The following PCDHGA10 variants were observed in gnomAD, a reference collection of about 807,000 sequenced individuals.
The protein encoded by PCDHGA10 is protocadherin gamma-A10.
A neutral mutation model predicts 59.5 loss-of-function variants in PCDHGA10; 42 were observed. The observed-to-expected ratio is 0.71, with a 90% CI of 0.55 to 0.91. The LOEUF is 0.91. Ranked by LOEUF, PCDHGA10 falls within the 40% of genes least tolerant of loss-of-function variation. The pLI is 0.00. For missense variants in PCDHGA10, 1,111 were observed against 1,198.2 expected (o/e 0.93, Z 1.07); for synonymous variants, 511 against 517.2 (o/e 0.99, Z 0.16).
chr5:141,445,890 T>C (rs1435563284), intron 1 of PCDHGA10, among the ~76,000 whole-genome samples: 1 of 152,210 alleles, frequency 6.6e-6, no homozygotes, highest in Non-Finnish European at 1.5e-5. Context: ...ACTTAGGAGC[T>C]ATTAAAATAT....
In PCDHGA10 at chr5:141,493,482, G is replaced by T. The variant is rs184736387; in HGVS notation, c.2437-1325G>T. The stretch of plus-strand genomic sequence containing the variant: ...TTTTAGGACCTTACATGTGGGGAAA[G>T]TCTTCTGTGGCTCCTCATTTCTGAG... On this transcript the variant is annotated intron_variant, in intron 1 of 3. Coordinates refer to ENST00000398610, the MANE Select transcript of PCDHGA10 (RefSeq NM_018913.3). The surrounding 1 kb of genome is among the most constrained non-coding windows in gnomAD (Gnocchi z 4.3). 6.6e-6 allele frequency among the ~76,000 whole-genome samples: 1 copy of T among 152,206 alleles called. No individual in the cohort carries two copies. Among genetic ancestry groups the T allele is most frequent in the Admixed American group, 6.5e-5 (1 of 15,282 alleles).
intron 1 of PCDHGA10, chr5:141,423,106 G>A (rs562864937): frequency 1.2e-6 from 2 of 1,613,894 alleles, no homozygotes; most frequent in Admixed American, 1.7e-5. Context: ...CACGGGCGAG[G>A]TGCGTACAGC....
At position 141,511,393 on chromosome 5, in the gene PCDHGA10, C is replaced by G. The variant is rs1257680621; in HGVS notation, c.*220C>G. The G allele has an allele frequency of 2.8e-6, 3 of 1,067,816 alleles. No individual in the cohort carries two copies. The highest frequency in any genetic ancestry group is 3.9e-6 in the Non-Finnish European group (3 of 764,518). The allele number at this position is 1,067,816 out of a possible 1,614,324, so 66.1% of individuals were successfully genotyped here. A position where few individuals can be genotyped will look rare whatever the true frequency, so the allele number is the denominator to read the frequency against. On this transcript the variant is annotated 3_prime_UTR_variant, in exon 4 of 4. Coordinates refer to ENST00000398610, the MANE Select transcript of PCDHGA10 (RefSeq NM_018913.3). ...CAAAAGCAGTTCCGCTGGGAACCCC[C>G]ATCCAATCAACTGCTGTACCCATGG...
At chr5:141,447,370 C>A (rs2098536615) in intron 1 of PCDHGA10, among the ~76,000 whole-genome samples, 1 of 151,612 alleles carries the variant, frequency 6.6e-6, no homozygotes, top group African/African-American at 2.4e-5. Context: ...AACTCCTGAC[C>A]CTGGTGATCT....
At position 141,414,585 on chromosome 5, in the gene PCDHGA10, C is replaced by CA; in HGVS notation, c.1411dup (p.Arg471LysfsTer27). 1 of 1,613,968 alleles carries CA rather than the reference C, an allele frequency of 6.2e-7. No individual in the cohort carries two copies. Among genetic ancestry groups the CA allele is most frequent in the East Asian group, 2.2e-5 (1 of 44,870 alleles). On this transcript the variant is annotated frameshift_variant, in exon 1 of 4. Coordinates refer to ENST00000398610, the MANE Select transcript of PCDHGA10 (RefSeq NM_018913.3). LOFTEE classifies it high-confidence loss of function. ...TTACCTATATCCCAGAGAACAACGC[C>CA]AGGGGTGCCTCCATCTTCTCAGTGA...
rs2154591305 is a variant in PCDHGA10, at chr5:141,493,879, G to A, written c.2437-928G>A. Among the ~76,000 whole-genome samples the A allele has an allele frequency of 6.6e-6, 1 of 152,288 alleles. No homozygotes were observed. The highest frequency in any genetic ancestry group is 6.5e-5 in the Admixed American group (1 of 15,302). ...CCCACCCCAGAACCAGTGAGGAGGT[G>A]GCTCTAGGAGTGCTCCATGAGAGTG... On this transcript the variant is annotated intron_variant, in intron 1 of 3. Coordinates refer to ENST00000398610, the MANE Select transcript of PCDHGA10 (RefSeq NM_018913.3). This position sits in a 1 kb window ranked among gnomAD's most constrained non-coding sequence, Gnocchi z 4.3.
Position 141,431,003 on chromosome 5 carries a change from G to C in PCDHGA10, c.2436+15392G>C. The C allele has an allele frequency of 6.2e-7, 1 of 1,614,078 alleles. No individual in the cohort carries two copies. The highest frequency in any genetic ancestry group is 8.5e-7 in the Non-Finnish European group (1 of 1,179,974). On this transcript the variant is annotated intron_variant, in intron 1 of 3. Transcript: ENST00000398610. The surrounding 1 kb of genome is among the most constrained non-coding windows in gnomAD (Gnocchi z 4.8). ...GCTTTTCGCCCTGAATCCGCGCAGC[G>C]GCAGCTTGGTCACGGCGGGCAGGAT... is the stretch of plus-strand genomic sequence containing the variant.
rs2097542578 is a variant in PCDHGA10 at position 141,432,849 on chromosome 5, T to C, written c.2436+17238T>C. On this transcript the variant is annotated intron_variant, in intron 1 of 3. Coordinates refer to ENST00000398610, the MANE Select transcript of PCDHGA10 (RefSeq NM_018913.3). The surrounding 1 kb of genome is among the most constrained non-coding windows in gnomAD (Gnocchi z 6.0). ...CTCACTCTGTACCTGGTGGTAGCGG[T>C]GGCCGCGGTCTCCTGCGTCTTCCTG... 2 of 1,614,076 alleles carry C rather than the reference T, an allele frequency of 1.2e-6. No individual in the cohort carries two copies. Among genetic ancestry groups the C allele is most frequent in the South Asian group, 1.1e-5 (1 of 91,096 alleles).
chr5:141,432,918 A>C lies in PCDHGA10; in HGVS notation c.2436+17307A>C. ...CTGGCGCTCAGGCTGCGGCGCTGGC[A>C]CAAGTCACGCCTGCTGCAGGCTTCA... On this transcript the variant is annotated intron_variant, in intron 1 of 3. Coordinates refer to ENST00000398610, the MANE Select transcript of PCDHGA10 (RefSeq NM_018913.3). This position sits in a 1 kb window ranked among gnomAD's most constrained non-coding sequence, Gnocchi z 6.0. 1 of 1,614,128 alleles carries C rather than the reference A, an allele frequency of 6.2e-7. No homozygotes were observed. Among genetic ancestry groups the C allele is most frequent in the South Asian group, 1.1e-5 (1 of 91,082 alleles).
At chr5:141,428,606 A>G (rs1270096118) in intron 1 of PCDHGA10, 4 of 216,044 alleles carry the variant, frequency 1.9e-5, no homozygotes, top group Admixed American at 1.6e-4. Context: ...TTCACTGAAG[A>G]GAATAACAAG....
chr5:141,425,242 G>A (rs2096863400), intron 1 of PCDHGA10, among the ~76,000 whole-genome samples: 1 of 152,128 alleles, frequency 6.6e-6, no homozygotes, highest in South Asian at 2.1e-4. Context: ...TAAATAAAAA[G>A]GATATGAGGT....
intron 3 of PCDHGA10, among the ~76,000 whole-genome samples, chr5:141,506,948 G>A (rs949082646): frequency 6.6e-6 from 1 of 152,162 alleles, no homozygotes; most frequent in Non-Finnish European, 1.5e-5. Flanking sequence ...TCCTGTCAAT[G>A]AATCCTCTCA....
At chr5:141,481,318 A>C (rs758947998) in intron 1 of PCDHGA10, among the ~76,000 whole-genome samples, 6 of 152,216 alleles carry the variant, frequency 3.9e-5, no homozygotes, top group Non-Finnish European at 8.8e-5. Context: ...TTCCTAAAGC[A>C]CTAGCCCCTG....
intron 1 of PCDHGA10, among the ~76,000 whole-genome samples, chr5:141,434,766 A>T (rs1383531828): frequency 1.3e-5 from 2 of 151,012 alleles, no homozygotes; most frequent in Non-Finnish European, 3.0e-5. Context: ...CCCACTTCAC[A>T]CTTCTAAAAA....
chr5:141,460,921 T>C (rs984603258), intron 1 of PCDHGA10, among the ~76,000 whole-genome samples: 4 of 151,276 alleles, frequency 2.6e-5, no homozygotes, highest in African/African-American at 9.7e-5. Flanking sequence ...TGTATATATA[T>C]ATATGTGTGT....
intron 1 of PCDHGA10, among the ~76,000 whole-genome samples, chr5:141,433,999 A>G (rs1471657184): frequency 6.6e-6 from 1 of 152,070 alleles, no homozygotes; most frequent in Admixed American, 6.6e-5. Context: ...TATATTCTCT[A>G]TATATGTTTG....
At chr5:141,455,160 G>T (rs6875366) in intron 1 of PCDHGA10, among the ~76,000 whole-genome samples, 16,301 of 149,190 alleles carry the variant, frequency 0.11, 1,328 homozygotes, top group African/African-American at 0.23. Context: ...TAGTTTGTTG[G>T]TTTTTTTTTT....
intron 1 of PCDHGA10, among the ~76,000 whole-genome samples, chr5:141,463,534 C>T (rs866525322): frequency 2.6e-4 from 39 of 148,938 alleles, no homozygotes; most frequent in Admixed American, 7.5e-4. Flanking sequence ...CTAGAAACTC[C>T]GGCTCCCGGG....
chr5:141,456,157 A>G (rs1307977690), intron 1 of PCDHGA10, among the ~76,000 whole-genome samples: 3 of 152,052 alleles, frequency 2.0e-5, no homozygotes, highest in Admixed American at 1.3e-4. Context: ...TCGGCCTCCT[A>G]AAGTGCTGGG....
Sources: gnomAD v4.1 joint callset for allele counts (sites outside exome capture counted in the v4.1 genomes callset) on GRCh38, gnomAD v4.1.1 for gene constraint, Gnocchi (gnomAD v3.1) non-coding constraint, MANE v1.5 for transcripts, NCBI Gene and HGNC (gene_info 2026-07-23, HGNC 2026-07-21) for gene names.